Variants in RPS24 observed in about 807,000 individuals in gnomAD.
RPS24 encodes the protein small ribosomal subunit protein eS24.
For synonymous variants in RPS24, 72 were observed against 55.6 expected, an observed-to-expected ratio of 1.30 and a Z score of -1.31; for missense variants, 100 against 162.5, an observed-to-expected ratio of 0.62 and a Z score of 2.09.
chr10:78,047,681 G>T (rs1848059582), intron 4 of RPS24, among the ~76,000 whole-genome samples: 1 of 152,224 alleles, frequency 6.6e-6, no homozygotes, highest in African/African-American at 2.4e-5. Flanking sequence ...TGTGCATGGT[G>T]ATGTCTACCC....
At chr10:78,049,197 ACT>A (rs1362454149) in intron 4 of RPS24, 2 of 152,092 alleles carry the variant, frequency 1.3e-5, no homozygotes, top group Non-Finnish European at 2.9e-5. Flanking sequence ...GCCGTTTGCT[ACT>A]CAAGTGCTGT....
At chr10:78,046,422 A>G (rs1275134036) in intron 4 of RPS24, among the ~76,000 whole-genome samples, 1 of 143,124 alleles carries the variant, frequency 7.0e-6, no homozygotes. Flanking sequence ...CCAGTGGCGC[A>G]ATCTCAGCTC....
At chr10:78,036,026 A>G in intron 3 of RPS24, 1 of 395,766 alleles carries the variant, frequency 2.5e-6, no homozygotes, top group Non-Finnish European at 4.8e-6. Context: ...CACCAAATTC[A>G]CTTAGTTTGG....
At chr10:78,050,690 A>C (rs1219178155) in intron 4 of RPS24, among the ~76,000 whole-genome samples, 2 of 152,206 alleles carry the variant, frequency 1.3e-5, no homozygotes, top group African/African-American at 4.8e-5. Context: ...AGCTCGTTGC[A>C]TCCTCGAACT....
downstream of RPS24, among the ~76,000 whole-genome samples, chr10:78,044,248 AGTT>A (rs1848018916): frequency 6.6e-6 from 1 of 152,130 alleles, no homozygotes; most frequent in Admixed American, 6.5e-5. Context: ...CACAGGAGAA[AGTT>A]CTCATTTGAG....
At chr10:78,036,913 GTGATC>G (rs1847881151) in intron 3 of RPS24, among the ~76,000 whole-genome samples, 1 of 152,166 alleles carries the variant, frequency 6.6e-6, no homozygotes, top group African/African-American at 2.4e-5. Context: ...AGAAAAAATA[GTGATC>G]TGTGAGCTCA....
At position 78,040,603 on chromosome 10, in the gene RPS24, C is replaced by G. The variant is rs1554842630; in HGVS notation, c.*20-12C>G. 11 of 1,610,328 alleles carry G rather than the reference C, an allele frequency of 6.8e-6. No homozygotes were observed. In the Admixed American group the frequency reaches 1.7e-4, roughly 24 times the overall value. ...GCAGTTGTTGACTAAACTTCTTTCT[C>G]TTGATTCACAGCCGAAGGAGTAAAG... On this transcript the variant is annotated splice_polypyrimidine_tract_variant and intron_variant, in intron 5 of 5. Coordinates refer to ENST00000372360, the MANE Select transcript of RPS24 (RefSeq NM_033022.4).
chr10:78,042,697 G>A (rs150843607), downstream of RPS24, among the ~76,000 whole-genome samples: 27 of 152,158 alleles, frequency 1.8e-4, no homozygotes, highest in African/African-American at 6.3e-4. Context: ...GGCTTAGAGA[G>A]AGCAGGGATC....
At chr10:78,045,200 C>G (rs548785038), downstream of RPS24, among the ~76,000 whole-genome samples, 18 of 151,988 alleles carry the variant, frequency 1.2e-4, no homozygotes, top group Non-Finnish European at 2.5e-4. Context: ...GTTGGTCAGG[C>G]TGGTCTTGAA....
Position 78,037,951 on chromosome 10 carries a change from T to G in RPS24, c.390+647T>G, listed in dbSNP as rs775552353. ...GCTTTTCCTCTCTACTTTCTTGGAT[T>G]TCTTGTTCATCAGAAATGAAGTGTC... On this transcript the variant is annotated intron_variant, in intron 4 of 5. Coordinates refer to ENST00000372360, the MANE Select transcript of RPS24 (RefSeq NM_033022.4). The G allele has an allele frequency of 6.3e-6, 8 of 1,260,064 alleles. No homozygotes were observed. The African/African-American group carries it at 1.2e-4, about 19-fold the overall frequency. The allele number at this position is 1,260,064 out of a possible 1,614,324, so 78.1% of individuals were successfully genotyped here.
intron 1 of RPS24, 38 bp downstream of exon 1, chr10:78,033,942 A>G: frequency 6.2e-7 from 1 of 1,613,440 alleles, no homozygotes; most frequent in Non-Finnish European, 8.5e-7. Context: ...TCTGCCGCGT[A>G]TCCGAGCCAT....
chr10:78,051,496 T>G (rs1195221081), intron 4 of RPS24, among the ~76,000 whole-genome samples: 1 of 152,252 alleles, frequency 6.6e-6, no homozygotes, highest in Non-Finnish European at 1.5e-5. Flanking sequence ...GATGGATATT[T>G]GTGTTGTTTC....
rs969245482 is a variant in RPS24, at chr10:78,039,978, T to G, written c.391-226T>G. The G allele has an allele frequency of 1.4e-4, 84 of 619,754 alleles. No homozygotes were observed. The African/African-American group carries it at 1.4e-3, about 11-fold the overall frequency. 38.4% of individuals were successfully genotyped at this position (619,754 alleles called of 1,614,324 possible). On this transcript the variant is annotated intron_variant, in intron 4 of 5. Coordinates refer to ENST00000372360, the MANE Select transcript of RPS24 (RefSeq NM_033022.4). ...GTGAAGTCCGGCTACCTCGTTTGCATAAGAACTACAGTAATCAGGCAAGGC... is the reference window on the plus strand; with the variant it reads ...GTGAAGTCCGGCTACCTCGTTTGCAGAAGAACTACAGTAATCAGGCAAGGC...
rs562219808 is a variant in RPS24, at chr10:78,033,957, G to C, written c.3+53G>C. On this transcript the variant is annotated intron_variant, in intron 1 of 5. Coordinates refer to ENST00000372360, the MANE Select transcript of RPS24 (RefSeq NM_033022.4). ...TCTGCCGCGTATCCGAGCCATCCGT[G>C]GTCCCTGGGTCCCAGTACTTGAGCT... 51 of 1,608,832 alleles carry C rather than the reference G, an allele frequency of 3.2e-5. No homozygotes were observed. The East Asian group carries it at 6.9e-4, about 22-fold the overall frequency.
intron 4 of RPS24, among the ~76,000 whole-genome samples, chr10:78,052,064 C>T (rs1848103778): frequency 1.3e-5 from 2 of 151,870 alleles, no homozygotes; most frequent in Admixed American, 6.6e-5. Flanking sequence ...CTTGCCCTGT[C>T]GCCCAGGCTG....
chr10:78,037,347 G>C, intron 4 of RPS24, 43 bp downstream of exon 4: 3 of 1,554,468 alleles, frequency 1.9e-6, no homozygotes, highest in Non-Finnish European at 2.6e-6. Flanking sequence ...ATTAATTGTA[G>C]GTCTTTAGTT....
At chr10:78,036,602 C>G (rs1394729295) in intron 3 of RPS24, 1 of 154,462 alleles carries the variant, frequency 6.5e-6, no homozygotes, top group Non-Finnish European at 1.4e-5. Flanking sequence ...CCGTGCCCAG[C>G]TGAGGCTGCA....
downstream of RPS24, among the ~76,000 whole-genome samples, chr10:78,045,147 C>T (rs1848030114): frequency 6.6e-6 from 1 of 152,034 alleles, no homozygotes. Context: ...GCCACCATAC[C>T]TGGCTAATTT....
At chr10:78,048,505 G>A (rs779957199) in intron 4 of RPS24, among the ~76,000 whole-genome samples, 23 of 152,014 alleles carry the variant, frequency 1.5e-4, no homozygotes, top group Non-Finnish European at 3.4e-4. Flanking sequence ...CTCATCCCTG[G>A]GTTATAAGGG....
Sources: allele counts gnomAD v4.1 joint callset (sites outside exome capture counted in the v4.1 genomes callset), GRCh38; gene constraint gnomAD v4.1.1; transcripts MANE v1.5; gene names NCBI Gene and HGNC (gene_info 2026-07-23, HGNC 2026-07-21).